The following ATP2B2 variants were observed in gnomAD, a reference collection of about 807,000 sequenced individuals.
ATP2B2 encodes ATPase plasma membrane Ca2+ transporting 2, also known as plasma membrane calcium-transporting ATPase 2.
Under a neutral mutation model 120.0 loss-of-function variants are expected in ATP2B2, and 15 were observed. That is an observed-to-expected ratio of 0.12 (90% CI 0.08 to 0.19). ATP2B2 has a LOEUF of 0.19. ATP2B2 is among the 10% of genes least tolerant of loss of function. ATP2B2 has a pLI of 1.00. For missense variants in ATP2B2, 1,045 were observed against 1,719.8 expected, an observed-to-expected ratio of 0.61 and a Z score of 6.94; for synonymous variants, 694 against 700.3, an observed-to-expected ratio of 0.99 and a Z score of 0.14.
intron 5 of ATP2B2, among the ~76,000 whole-genome samples, chr3:10,400,362 T>G (rs2062177555): frequency 6.6e-6 from 1 of 152,262 alleles, no homozygotes; most frequent in Non-Finnish European, 1.5e-5. Flanking sequence ...CTTTTGCCCC[T>G]GCTGTTTCCT....
At chr3:10,513,237 G>T (rs2066809299) in intron 3 of ATP2B2, among the ~76,000 whole-genome samples, 1 of 152,196 alleles carries the variant, frequency 6.6e-6, no homozygotes, top group Non-Finnish European at 1.5e-5. Flanking sequence ...ACTGAGCTGG[G>T]GTCTGCAGGC....
chr3:10,419,390 A>G (rs17032853), intron 2 of ATP2B2, among the ~76,000 whole-genome samples: 1,878 of 152,358 alleles, frequency 0.012, 45 homozygotes, highest in African/African-American at 0.043. Context: ...GGCCTTCACA[A>G]AGGATAGATG....
intron 1 of ATP2B2, among the ~76,000 whole-genome samples, chr3:10,483,043 C>T (rs1309247628): frequency 6.6e-6 from 1 of 152,228 alleles, no homozygotes; most frequent in Non-Finnish European, 1.5e-5. Context: ...CAACGTGACA[C>T]AGCTCATAGG....
At position 10,347,708 on chromosome 3, in the gene ATP2B2, G is replaced by A. The variant is rs1195566621; in HGVS notation, c.2405-1571C>T. On this transcript the variant is annotated intron_variant, in intron 16 of 22. Coordinates refer to ENST00000360273, the MANE Select transcript of ATP2B2 (RefSeq NM_001001331.4). The surrounding 1 kb of genome is among the most constrained non-coding windows in gnomAD (Gnocchi z 5.2). ...CTGGGGGCTCCTCCAAGGCAGGGAC[G>A]GGTCAAATTTCTGCCCTGTGGCTCC... Among the ~76,000 whole-genome samples, 1 of 152,222 alleles carries A rather than the reference G, an allele frequency of 6.6e-6. No individual in the cohort carries two copies. The highest frequency in any genetic ancestry group is 1.5e-5 in the Non-Finnish European group (1 of 68,032).
intron 1 of ATP2B2, among the ~76,000 whole-genome samples, chr3:10,498,037 G>T (rs748556029): frequency 6.6e-6 from 1 of 152,150 alleles, no homozygotes. Context: ...ACTACTTTAC[G>T]TATATTTAAG....
At chr3:10,501,396 G>C (rs1461125343) in intron 1 of ATP2B2, among the ~76,000 whole-genome samples, 47 of 148,024 alleles carry the variant, frequency 3.2e-4, no homozygotes, top group Non-Finnish European at 6.2e-4. Flanking sequence ...TTTGAGACAG[G>C]GTCTCGCTCT....
intron 2 of ATP2B2, among the ~76,000 whole-genome samples, chr3:10,413,575 G>A (rs1305598890): frequency 6.6e-6 from 1 of 152,180 alleles, no homozygotes; most frequent in African/African-American, 2.4e-5. Context: ...TAAGTGCGTG[G>A]GAACACTTCC....
At chr3:10,654,009 T>A (rs1390841107) in intron 1 of ATP2B2, among the ~76,000 whole-genome samples, 1 of 152,174 alleles carries the variant, frequency 6.6e-6, no homozygotes, top group Non-Finnish European at 1.5e-5. Context: ...CTACACAGCA[T>A]CAACCTCATT....
chr3:10,387,028 A>G (rs1338359155), intron 6 of ATP2B2, among the ~76,000 whole-genome samples: 1 of 152,178 alleles, frequency 6.6e-6, no homozygotes, highest in African/African-American at 2.4e-5. Flanking sequence ...GGTGAAGACA[A>G]TGAGTACAGG....
At chr3:10,471,949 CG>C (rs2065024467) in intron 1 of ATP2B2, among the ~76,000 whole-genome samples, 1 of 151,514 alleles carries the variant, frequency 6.6e-6, no homozygotes, top group South Asian at 2.1e-4. Context: ...GGTGTGGTGG[CG>C]GGCGCCTGTA....
At chr3:10,523,974 ATT>A (rs2125459952) in intron 3 of ATP2B2, among the ~76,000 whole-genome samples, 2 of 152,358 alleles carry the variant, frequency 1.3e-5, no homozygotes, top group East Asian at 3.9e-4. Flanking sequence ...ATAAAATTGC[ATT>A]AAATGCCAAT....
At chr3:10,409,632 T>C (rs545465314) in intron 3 of ATP2B2, among the ~76,000 whole-genome samples, 1 of 152,328 alleles carries the variant, frequency 6.6e-6, no homozygotes, top group African/African-American at 2.4e-5. Context: ...CAACTTATTA[T>C]GTGTAAAATT....
intron 1 of ATP2B2, among the ~76,000 whole-genome samples, chr3:10,679,446 T>A (rs1362961252): frequency 2.6e-5 from 4 of 152,168 alleles, no homozygotes; most frequent in African/African-American, 9.7e-5. Flanking sequence ...TCAGTACGAA[T>A]GTTCTGATAT....
intron 1 of ATP2B2, among the ~76,000 whole-genome samples, chr3:10,669,100 T>C (rs2071025339): frequency 6.6e-6 from 1 of 152,192 alleles, no homozygotes; most frequent in Admixed American, 6.5e-5. Flanking sequence ...TTCTCAGAAC[T>C]GGGGGCTGGG....
At chr3:10,545,996 A>C (rs559358341) in intron 2 of ATP2B2, among the ~76,000 whole-genome samples, 7 of 152,384 alleles carry the variant, frequency 4.6e-5, no homozygotes, top group Middle Eastern at 3.4e-3. Context: ...AACAAGATAT[A>C]AGGGGAAAGA....
intron 1 of ATP2B2, among the ~76,000 whole-genome samples, chr3:10,501,671 C>A (rs144255871): frequency 6.6e-6 from 1 of 152,074 alleles, no homozygotes; most frequent in Non-Finnish European, 1.5e-5. Flanking sequence ...TTTAGCTGTG[C>A]AGGGTGAAGC....
chr3:10,416,683 C>T (rs536742934), intron 2 of ATP2B2, among the ~76,000 whole-genome samples: 3 of 151,898 alleles, frequency 2.0e-5, no homozygotes, highest in African/African-American at 7.2e-5. Context: ...GGCCCCAGAG[C>T]ACAGAGCTGG....
intron 1 of ATP2B2, among the ~76,000 whole-genome samples, chr3:10,466,560 G>A (rs1309885442): frequency 6.6e-6 from 1 of 152,060 alleles, no homozygotes; most frequent in East Asian, 1.9e-4. Flanking sequence ...CAAAAAAGGG[G>A]GCACCCATGA....
At chr3:10,380,516 G>A (rs2061502958) in intron 8 of ATP2B2, among the ~76,000 whole-genome samples, 1 of 152,220 alleles carries the variant, frequency 6.6e-6, no homozygotes, top group Non-Finnish European at 1.5e-5. Context: ...GGGTGTGCTT[G>A]TATTATACCC....
Sources: gnomAD v4.1 joint callset for allele counts (sites outside exome capture counted in the v4.1 genomes callset) on GRCh38, gnomAD v4.1.1 for gene constraint, Gnocchi (gnomAD v3.1) non-coding constraint, MANE v1.5 for transcripts, NCBI Gene and HGNC (gene_info 2026-07-23, HGNC 2026-07-21) for gene names.